Variants in FAAH2 observed in about 807,000 individuals in gnomAD.
FAAH2 encodes the protein fatty acid amide hydrolase 2.
FAAH2 carries 60 observed loss-of-function variants against 36.9 expected under a neutral mutation model. The observed-to-expected ratio is 1.63, with a 90% CI of 1.32 to 2.02. The LOEUF is 2.02. Ranked by LOEUF, FAAH2 falls within the 30% of genes most tolerant of loss-of-function variation. FAAH2 has a pLI of 0.00. For synonymous variants in FAAH2, 214 were observed against 143.8 expected (o/e 1.49, Z -3.49); for missense variants, 689 against 397.5 (o/e 1.73, Z -6.23).
At position 57,387,485 on chromosome X, in the gene FAAH2, GAGA is replaced by G. The variant is rs758485546; in HGVS notation, c.996+6460_996+6462del. Among the ~76,000 whole-genome samples the G allele has an allele frequency of 4.2e-3, 463 of 111,395 alleles. 3 individuals are homozygous for G. Among genetic ancestry groups the G allele is most frequent in the African/African-American group, 0.014 (442 of 30,742 alleles). On this transcript the variant is annotated intron_variant, in intron 7 of 10. Transcript: ENST00000374900. ...GATAAAAAGTAGAATGAGGAAAACA[GAGA>G]AGACAAACAGAAAATCCTACAAAAT...
intron 10 of FAAH2, among the ~76,000 whole-genome samples, chrX:57,463,455 A>G (rs1468118759): frequency 9.0e-6 from 1 of 111,485 alleles, no homozygotes. Flanking sequence ...TGGCACCAAA[A>G]CAGATATATA....
At chrX:57,224,366 G>A in the FAAH2 span, among the ~76,000 whole-genome samples, 7 of 111,538 alleles carry the variant, frequency 6.3e-5, no homozygotes, top group African/African-American at 9.8e-5. Context: ...AGATGTCCAC[G>A]TCACCCCCTA....
chrX:57,443,848 T>A lies in FAAH2; in HGVS notation c.1117-3080T>A, dbSNP rs184952570. On this transcript the variant is annotated intron_variant, in intron 8 of 10. Coordinates refer to ENST00000374900, the MANE Select transcript of FAAH2 (RefSeq NM_174912.4). ...CCTTCTAACAGTCAGGACCCTCAGT[T>A]GCAGGTCTGTTGGAGTTTACTAAGG... Among the ~76,000 whole-genome samples the A allele has an allele frequency of 3.6e-4, 41 of 112,372 alleles. No homozygotes were observed. The East Asian group carries it at 6.2e-3, about 17-fold the overall frequency.
the FAAH2 span, among the ~76,000 whole-genome samples, chrX:57,217,810 C>T: frequency 9.0e-6 from 1 of 111,578 alleles, no homozygotes; most frequent in Non-Finnish European, 1.9e-5. Flanking sequence ...TTTTCTAATG[C>T]TGTGAAGAAT....
intron 3 of FAAH2, among the ~76,000 whole-genome samples, chrX:57,313,993 C>T (rs922371993): frequency 9.0e-6 from 1 of 111,539 alleles, no homozygotes; most frequent in Non-Finnish European, 1.9e-5. Flanking sequence ...CTAAGAGGCC[C>T]ATCTCACATG....
chrX:57,190,580 G>T, the FAAH2 span, among the ~76,000 whole-genome samples: 26 of 110,799 alleles, frequency 2.3e-4, no homozygotes, highest in African/African-American at 8.5e-4. Flanking sequence ...TGCAAAAACT[G>T]TGGGAAAAGC....
At chrX:57,478,606 T>C (rs941167852) in intron 10 of FAAH2, among the ~76,000 whole-genome samples, 2 of 111,692 alleles carry the variant, frequency 1.8e-5, no homozygotes, top group African/African-American at 6.5e-5. Context: ...TCTTCTAGGG[T>C]TTTTATGGTT....
the FAAH2 span, among the ~76,000 whole-genome samples, chrX:57,160,505 C>T: frequency 9.0e-6 from 1 of 111,711 alleles, no homozygotes; most frequent in African/African-American, 3.3e-5. Context: ...TTAATTATTG[C>T]CTCAATTTCA....
At chrX:57,284,222 C>A (rs775201019), upstream of FAAH2, among the ~76,000 whole-genome samples, 1 of 111,532 alleles carries the variant, frequency 9.0e-6, no homozygotes, top group South Asian at 3.8e-4. Flanking sequence ...GGAAGAAAGC[C>A]TGCAATCTGG....
chrX:57,167,193 C>T, the FAAH2 span, among the ~76,000 whole-genome samples: 1 of 111,593 alleles, frequency 9.0e-6, no homozygotes, highest in Admixed American at 9.5e-5. Context: ...TTAGATTTCT[C>T]TGACCACACT....
chrX:57,391,971 G>A (rs1378398931), intron 7 of FAAH2, among the ~76,000 whole-genome samples: 3 of 110,204 alleles, frequency 2.7e-5, no homozygotes, highest in Non-Finnish European at 3.8e-5. Flanking sequence ...TCTATTTCTG[G>A]CATCTATGAT....
the FAAH2 span, among the ~76,000 whole-genome samples, chrX:57,228,877 G>A: frequency 9.0e-6 from 1 of 111,094 alleles, no homozygotes; most frequent in Non-Finnish European, 1.9e-5. Flanking sequence ...AGAAGCAAGA[G>A]TGAGCTGAGT....
At chrX:57,466,156 C>CTCTATATATATATATATATATATA (rs1287266105) in intron 10 of FAAH2, among the ~76,000 whole-genome samples, 2 of 66,417 alleles carry the variant, frequency 3.0e-5, no homozygotes, top group African/African-American at 5.9e-5. Flanking sequence ...CTCTCTCTCT[C>CTCTATATATATATATATATATATA]TATATATATA....
chrX:57,414,583 A>G (rs758751820), intron 7 of FAAH2, among the ~76,000 whole-genome samples: 9 of 111,559 alleles, frequency 8.1e-5, no homozygotes, highest in Non-Finnish European at 1.3e-4. Flanking sequence ...ATTGTGGTGG[A>G]TAAGCTTTTT....
intron 10 of FAAH2, among the ~76,000 whole-genome samples, chrX:57,480,162 C>T (rs891362809): frequency 9.0e-6 from 1 of 111,266 alleles, no homozygotes; most frequent in Non-Finnish European, 1.9e-5. Context: ...GATGGTTTCA[C>T]AGCCGAATTC....
At chrX:57,337,469 G>A (rs1311588576) in intron 4 of FAAH2, among the ~76,000 whole-genome samples, 2 of 111,035 alleles carry the variant, frequency 1.8e-5, no homozygotes, top group Non-Finnish European at 3.8e-5. Flanking sequence ...AAAACTTTAG[G>A]CCAAGATTCT....
chrX:57,273,975 GT>G, the FAAH2 span, among the ~76,000 whole-genome samples: 2 of 111,126 alleles, frequency 1.8e-5, no homozygotes, highest in Non-Finnish European at 3.8e-5. Flanking sequence ...TTCAGGAGTT[GT>G]TTTTTTAGAA....
the FAAH2 span, among the ~76,000 whole-genome samples, chrX:57,260,555 A>G: frequency 3.6e-5 from 4 of 111,818 alleles, no homozygotes; most frequent in South Asian, 1.1e-3. Context: ...AGATCAATAT[A>G]TTGGAGTTCA....
chrX:57,303,320 G>A (rs5914081), intron 2 of FAAH2, among the ~76,000 whole-genome samples: 23,368 of 111,018 alleles, frequency 0.21, 2,280 homozygotes, highest in Middle Eastern at 0.54. Context: ...TTCTGATATA[G>A]AGACTTGTAA....
Sources: gnomAD v4.1 joint callset for allele counts (sites outside exome capture counted in the v4.1 genomes callset) on GRCh38, gnomAD v4.1.1 for gene constraint, MANE v1.5 for transcripts, NCBI Gene and HGNC (gene_info 2026-07-23, HGNC 2026-07-21) for gene names.